Variants in ADAMTS7 observed in about 807,000 individuals in gnomAD.
ADAMTS7 encodes A disintegrin and metalloproteinase with thrombospondin motifs 7.
A neutral mutation model predicts 172.6 loss-of-function variants in ADAMTS7; 89 were observed. That is an observed-to-expected ratio of 0.52 (90% CI 0.43 to 0.61). The LOEUF is 0.61. Among genes scored for constraint, ADAMTS7 ranks in the 20% least tolerant of loss-of-function variants. The pLI is 0.00. For synonymous variants in ADAMTS7, 885 were observed against 978.4 expected, an observed-to-expected ratio of 0.90 and a Z score of 1.78; for missense variants, 1,973 against 2,355.6, an observed-to-expected ratio of 0.84 and a Z score of 3.36.
intron 20 of ADAMTS7, 151 bp from the exon 21 acceptor site, chr15:78,764,250 C>T (rs1215704026): frequency 4.9e-6 from 6 of 1,222,206 alleles, no homozygotes; most frequent in Middle Eastern, 5.8e-4. Context: ...GGCTGGCAGG[C>T]CCCAGGCAAA....
At chr15:78,804,153 T>A (rs2055759816) in intron 1 of ADAMTS7, among the ~76,000 whole-genome samples, 1 of 152,164 alleles carries the variant, frequency 6.6e-6, no homozygotes, top group Non-Finnish European at 1.5e-5. Context: ...GTCCCCCAAA[T>A]GGTTTCAGTC....
chr15:78,780,677 GCCC>G (rs1227819571), intron 8 of ADAMTS7, among the ~76,000 whole-genome samples: 1 of 151,338 alleles, frequency 6.6e-6, no homozygotes, highest in Non-Finnish European at 1.5e-5. Context: ...ACCCTCCAGT[GCCC>G]CCCCACCACC....
At chr15:78,765,549 G>T (rs1252665442) in intron 19 of ADAMTS7, 96 bp downstream of exon 19, 1 of 1,566,614 alleles carries the variant, frequency 6.4e-7, no homozygotes, top group Non-Finnish European at 8.7e-7. Flanking sequence ...AGGCTAGACA[G>T]ACGGCGCCTG....
chr15:78,776,302 C>T lies in ADAMTS7; in HGVS notation c.1592G>A (p.Gly531Asp), dbSNP rs776149595. The T allele has an allele frequency of 6.2e-7, 1 of 1,611,870 alleles. No individual in the cohort carries two copies. The highest frequency in any genetic ancestry group is 2.2e-5 in the East Asian group (1 of 44,888). The change falls in exon 11 of 24, where the codon GGC (glycine) becomes GAC (aspartate). Residue 531 changes from glycine (G) to aspartate (D), a missense_variant. By Grantham distance (94) the Gly-to-Asp change is moderately conservative. Transcript: ENST00000388820. ...ACCATCCACGGCCTCGGGCCGGAAG[C>T]CCACGGGTACGCACTCCCCACTGAG... The part of the protein sequence containing the change: ...WCLSGECVPV[G>D]FRPEAVDGGW...
chr15:78,768,368 T>C lies in ADAMTS7; in HGVS notation c.2519-109A>G, dbSNP rs530661852. On this transcript the variant is annotated intron_variant, in intron 16 of 23. Transcript: ENST00000388820. ...TCCCAGAACAGCGCCTTACTGCCCG[T>C]GTCAGGATGCCTTACTGCCCATGTC... is the stretch of plus-strand genomic sequence containing the variant. 1.1e-4 allele frequency: 170 copies of C among 1,487,976 alleles called. 2 individuals carry two copies. In the South Asian group the frequency reaches 1.5e-3, roughly 13 times the overall value. 92.2% of individuals were successfully genotyped at this position (1,487,976 alleles called of 1,614,324 possible). A position where few individuals can be genotyped will look rare whatever the true frequency, so the allele number is the denominator to read the frequency against.
Position 78,766,293 on chromosome 15 carries a change from C to A in ADAMTS7, c.3618G>T (p.Leu1206=). The stretch of plus-strand genomic sequence containing the variant: ...TGGTCCTGTCCCGCCATGGAGGGGG[C>A]AGCTGGCTCTGGCTGTCCTTGCCAA... ...FPVGKDSQSQ[L]PPPWRDRTNE... is the part of the protein sequence containing the mutation. Residue 1206 remains leucine (L), a synonymous_variant, in exon 19 of 24, where the codon CTG becomes CTT. Transcript: ENST00000388820. The A allele has an allele frequency of 6.2e-7, 1 of 1,611,580 alleles. No homozygotes were observed. Among genetic ancestry groups the A allele is most frequent in the Non-Finnish European group, 8.5e-7 (1 of 1,180,000 alleles).
At chr15:78,787,347 G>GAAAAAAAAAAA (rs758238548) in intron 8 of ADAMTS7, among the ~76,000 whole-genome samples, 2 of 106,530 alleles carry the variant, frequency 1.9e-5, no homozygotes, top group Non-Finnish European at 3.6e-5. Context: ...TAGCAAATTT[G>GAAAAAAAAAAA]AAAAAAAAAA....
At chr15:78,781,125 TGA>T (rs1379985103) in intron 8 of ADAMTS7, among the ~76,000 whole-genome samples, 1 of 152,224 alleles carries the variant, frequency 6.6e-6, no homozygotes, top group African/African-American at 2.4e-5. Context: ...CCAGCCAGGA[TGA>T]GAGGGTGGTC....
chr15:78,802,299 GTGCCTGAGCCAC>G (rs1344197701), intron 1 of ADAMTS7, among the ~76,000 whole-genome samples: 2 of 152,200 alleles, frequency 1.3e-5, no homozygotes, highest in Non-Finnish European at 2.9e-5. Context: ...CCCTTTAGCA[GTGCCTGAGCCAC>G]TGGTTGAATA....
rs150837017 is a variant in ADAMTS7, at chr15:78,763,064, A to G, written c.4741-499T>C. Among the ~76,000 whole-genome samples, 266 of 152,306 alleles carry G rather than the reference A, an allele frequency of 1.7e-3. 1 individual carries two copies. The highest frequency in any genetic ancestry group is 5.8e-3 in the African/African-American group (241 of 41,562). ...CATGCACTGAGTCTGTGCCAGTGTC[A>G]TGCTGTGCCCGGCCCTGTGCTTCGT... On this transcript the variant is annotated intron_variant, in intron 22 of 23. Transcript: ENST00000388820.
chr15:78,808,636 C>T (rs2055826989), intron 1 of ADAMTS7, among the ~76,000 whole-genome samples: 1 of 63,704 alleles, frequency 1.6e-5, no homozygotes, highest in South Asian at 4.9e-4. Context: ...TCACTGTAGC[C>T]TAGTTGACCT....
chr15:78,803,327 T>G (rs142659815), intron 1 of ADAMTS7, among the ~76,000 whole-genome samples: 6 of 152,268 alleles, frequency 3.9e-5, no homozygotes, highest in African/African-American at 1.4e-4. Context: ...GCCACTGCAC[T>G]CCAGCCTAGG....
Position 78,796,703 on chromosome 15 carries a change from G to A in ADAMTS7, c.706C>T (p.Arg236Trp), listed in dbSNP as rs1169887816. ...ACCCACTTCTCTTTGCTGACCGACC[G>A]CTGGTGTAGACGCCTCAGCCGTGGC... ...RRPRLRRLHQ[R>W]SVSKEKWVET... The change falls in exon 4 of 24, where the codon CGG becomes TGG. Residue 236 changes from arginine to tryptophan, a missense_variant. Physicochemically the swap from Arg to Trp is moderately radical, Grantham distance 101. Around this residue, in one of 8 missense-constraint regions of ADAMTS7, gnomAD observed 526 missense variants for 662.9 expected, o/e 0.79. Coordinates refer to ENST00000388820, the MANE Select transcript of ADAMTS7 (RefSeq NM_014272.5). 5.6e-6 allele frequency: 9 copies of A among 1,613,630 alleles called. No homozygotes were observed. Among genetic ancestry groups the A allele is most frequent in the East Asian group, 2.2e-5 (1 of 44,888 alleles).
In ADAMTS7 at chr15:78,764,081, C is replaced by T. The variant is rs374879285; in HGVS notation, c.4438G>A (p.Gly1480Arg). The T allele has an allele frequency of 7.1e-5, 109 of 1,527,090 alleles. No homozygotes were observed. In the African/African-American group the frequency reaches 1.0e-3, roughly 14 times the overall value. 94.6% of individuals were successfully genotyped at this position (1,527,090 alleles called of 1,614,324 possible). A position where few individuals can be genotyped will look rare whatever the true frequency, so the allele number is the denominator to read the frequency against. Residue 1480 changes from glycine to arginine, a missense_variant, in exon 21 of 24, where the codon GGA becomes AGA. Gly to Arg is a moderately radical substitution (Grantham distance 125). Transcript: ENST00000388820. ...NWSKCSRSCG[G>R]GSSVRDVQCV... ...TGCACGTCCCGCACTGAGGAACCTC[C>T]GCCGCAGCTGCGGGAGCACTGGGGA...
intron 8 of ADAMTS7, among the ~76,000 whole-genome samples, chr15:78,781,522 C>A (rs574581600): frequency 1.3e-5 from 2 of 152,172 alleles, no homozygotes; most frequent in Non-Finnish European, 2.9e-5. Context: ...TGGGAGGCCC[C>A]GGCTGGCTCT....
At chr15:78,790,590 C>G in intron 6 of ADAMTS7, 80 bp downstream of exon 6, 1 of 1,575,004 alleles carries the variant, frequency 6.3e-7, no homozygotes, top group Admixed American at 1.7e-5. Context: ...GCACGGCCCC[C>G]TCCTCCACCA....
intron 23 of ADAMTS7, chr15:78,762,160 G>A: frequency 1.2e-6 from 1 of 867,636 alleles, no homozygotes; most frequent in South Asian, 5.3e-5. Flanking sequence ...CTCCCCCAAG[G>A]TCAGACAGCT....
Position 78,790,695 on chromosome 15 carries a change from G to A in ADAMTS7, c.1003C>T (p.His335Tyr), listed in dbSNP as rs1269083268. 1 of 1,613,944 alleles carries A rather than the reference G, an allele frequency of 6.2e-7. No homozygotes were observed. The highest frequency in any genetic ancestry group is 2.2e-5 in the East Asian group (1 of 44,882). Residue 335 changes from histidine to tyrosine, a missense_variant, in exon 6 of 24, where the codon CAT becomes TAT. By Grantham distance (83) the His-to-Tyr change is moderately conservative. Around this residue, in one of 8 missense-constraint regions of ADAMTS7, gnomAD observed 526 missense variants for 662.9 expected, o/e 0.79. Transcript: ENST00000388820. ...CTGGTGAGCAGGATGGCAGTGTCAT[G>A]GTGCAGGGGATGGGCATCCCCCTTC... ...NMKGDAHPLH[H>Y]DTAILLTRKD... is the part of the protein sequence containing the mutation.
At chr15:78,769,998 C>G (rs1807006) in intron 16 of ADAMTS7, among the ~76,000 whole-genome samples, 44,215 of 151,872 alleles carry the variant, frequency 0.29, 8,031 homozygotes, top group Non-Finnish European at 0.42. Flanking sequence ...CCCATCTCTA[C>G]TAATAATAAA....
Sources: gnomAD v4.1 joint callset for allele counts (sites outside exome capture counted in the v4.1 genomes callset) on GRCh38, gnomAD v4.1.1 for gene constraint, gnomAD v4.1.1 regional missense constraint, MANE v1.5 for transcripts, NCBI Gene and HGNC (gene_info 2026-07-23, HGNC 2026-07-21) for gene names.